COL10A1: variants seen among roughly 807,000 people sequenced by gnomAD.
COL10A1 encodes the protein collagen type X alpha 1 chain, also known as collagen alpha-1(X) chain.
In COL10A1, 10 loss-of-function variants were observed where a neutral mutation model predicts 18.2. The observed-to-expected ratio is 0.55, with a 90% CI of 0.34 to 0.93. COL10A1 has a LOEUF of 0.93. Among genes scored for constraint, COL10A1 ranks in the 40% least tolerant of loss-of-function variants. COL10A1 has a pLI of 0.02. For missense variants in COL10A1, 897 were observed against 853.5 expected, an observed-to-expected ratio of 1.05 and a Z score of -0.64; for synonymous variants, 330 against 316.6, an observed-to-expected ratio of 1.04 and a Z score of -0.45.
chr6:116,129,922 A>G (rs894028870), upstream of COL10A1, among the ~76,000 whole-genome samples: 1 of 152,278 alleles, frequency 6.6e-6, no homozygotes, highest in Admixed American at 6.5e-5. Context: ...ACACACATTC[A>G]CTCACACACA....
In COL10A1 at chr6:116,125,502, T is replaced by C. The variant is rs773337533; in HGVS notation, c.-10A>G. On this transcript the variant is annotated 5_prime_UTR_variant, in exon 2 of 3. Coordinates refer to ENST00000651968, the MANE Select transcript of COL10A1 (RefSeq NM_000493.4). ...GTATTTGTGGCAGCATATTCTCAGA[T>C]GGATTCTGAAAAACAGAAAAGAATA... 17 of 1,613,296 alleles carry C rather than the reference T, an allele frequency of 1.1e-5. No homozygotes were observed. Among genetic ancestry groups the C allele is most frequent in the Non-Finnish European group, 1.4e-5 (17 of 1,179,480 alleles).
the COL10A1 span, among the ~76,000 whole-genome samples, chr6:116,203,573 A>G: frequency 6.6e-6 from 1 of 151,810 alleles, no homozygotes; most frequent in South Asian, 2.1e-4. Flanking sequence ...TTGCTGTACA[A>G]TATGCCATTA....
the COL10A1 span, among the ~76,000 whole-genome samples, chr6:116,187,597 G>A: frequency 5.9e-5 from 9 of 152,198 alleles, no homozygotes; most frequent in East Asian, 1.7e-3. Context: ...GACAGAACAG[G>A]TACAGCAGAG....
At chr6:116,190,153 C>T in the COL10A1 span, among the ~76,000 whole-genome samples, 1 of 151,910 alleles carries the variant, frequency 6.6e-6, no homozygotes, top group Non-Finnish European at 1.5e-5. Flanking sequence ...ATACCTGTTA[C>T]ATAGTGGCTG....
chr6:116,184,287 T>C, the COL10A1 span, among the ~76,000 whole-genome samples: 1 of 152,100 alleles, frequency 6.6e-6, no homozygotes, highest in East Asian at 1.9e-4. Context: ...TGACATGCTG[T>C]TGGATTCAGT....
intron 1 of COL10A1, among the ~76,000 whole-genome samples, chr6:116,151,660 A>G (rs182037365): frequency 1.3e-5 from 2 of 152,320 alleles, no homozygotes; most frequent in South Asian, 2.1e-4. Context: ...GGTTACATTT[A>G]TAGATAATAT....
chr6:116,154,029 C>CTTT (rs34356532), intron 1 of COL10A1, among the ~76,000 whole-genome samples: 2 of 122,340 alleles, frequency 1.6e-5, no homozygotes, highest in African/African-American at 3.1e-5. Context: ...GGGAAGATTT[C>CTTT]TTTTTTTTTT....
the COL10A1 span, among the ~76,000 whole-genome samples, chr6:116,167,490 G>A: frequency 1.3e-5 from 2 of 152,106 alleles, no homozygotes; most frequent in African/African-American, 2.4e-5. Context: ...AGGATTACAG[G>A]TGTGAGCCAC....
At chr6:116,208,040 T>C in the COL10A1 span, among the ~76,000 whole-genome samples, 4 of 152,138 alleles carry the variant, frequency 2.6e-5, no homozygotes, top group African/African-American at 9.6e-5. Flanking sequence ...GTCTTTCGTT[T>C]GTTAAATAAT....
At position 116,121,050 on chromosome 6, in the gene COL10A1, C is replaced by T. The variant is rs1453913465; in HGVS notation, c.1066G>A (p.Gly356Ser). The change falls in exon 3 of 3, where the codon GGT becomes AGT. Residue 356 changes from glycine to serine, a missense_variant. By Grantham distance (56) the Gly-to-Ser change is moderately conservative. Coordinates refer to ENST00000651968, the MANE Select transcript of COL10A1 (RefSeq NM_000493.4). ...GTCTCACCTTTAGGGCCTGGGAGAC[C>T]ATGGCTACCCGGGATGCCTTTTGGT... ...QGPKGIPGSH[G>S]LPGPKGETGP... The T allele has an allele frequency of 1.9e-6, 3 of 1,614,094 alleles. No homozygotes were observed. Among genetic ancestry groups the T allele is most frequent in the Admixed American group, 1.7e-5 (1 of 60,028 alleles).
At chr6:116,216,013 T>A in the COL10A1 span, among the ~76,000 whole-genome samples, 2 of 152,266 alleles carry the variant, frequency 1.3e-5, no homozygotes, top group East Asian at 3.9e-4. Context: ...TATACACTTT[T>A]TCCAGGAATC....
At chr6:116,215,916 T>C in the COL10A1 span, among the ~76,000 whole-genome samples, 1 of 152,174 alleles carries the variant, frequency 6.6e-6, no homozygotes, top group African/African-American at 2.4e-5. Context: ...GGCAGTTTGA[T>C]GGCTTTGGAG....
chr6:116,178,088 T>TGA, the COL10A1 span, among the ~76,000 whole-genome samples: 1 of 99,624 alleles, frequency 1.0e-5, no homozygotes, highest in Non-Finnish European at 2.1e-5. Context: ...TGTGTGTGTG[T>TGA]GCGCGCGCGC....
At chr6:116,211,869 G>A in the COL10A1 span, among the ~76,000 whole-genome samples, 1 of 151,992 alleles carries the variant, frequency 6.6e-6, no homozygotes, top group African/African-American at 2.4e-5. Flanking sequence ...AAGCTAGAGA[G>A]CCTACACCTG....
At chr6:116,142,232 T>A (rs1779785360) in intron 1 of COL10A1, among the ~76,000 whole-genome samples, 1 of 152,084 alleles carries the variant, frequency 6.6e-6, no homozygotes, top group Non-Finnish European at 1.5e-5. Context: ...ATTTAGTAAT[T>A]TAATTGTAAA....
Position 116,121,247 on chromosome 6 carries a change from G to A in COL10A1, c.869C>T (p.Ala290Val). Residue 290 changes from alanine (A) to valine (V), a missense_variant, in exon 3 of 3, where the codon GCT (alanine) becomes GTT (valine). By Grantham distance (64) the Ala-to-Val change is moderately conservative. Coordinates refer to ENST00000651968, the MANE Select transcript of COL10A1 (RefSeq NM_000493.4). ...AAAGCCAGGAGGCCCTGGGGGCCCAGCTATTCCTGGAGCCCCAGGGAGACC... is the reference window on the plus strand; with the variant it reads ...AAAGCCAGGAGGCCCTGGGGGCCCAACTATTCCTGGAGCCCCAGGGAGACC... Reference protein sequence around the residue: ...TKGLPGAPGIAGPPGPPGFGK... With the variant: ...TKGLPGAPGIVGPPGPPGFGK... The A allele has an allele frequency of 6.2e-7, 1 of 1,613,906 alleles. No homozygotes were observed. The highest frequency in any genetic ancestry group is 8.5e-7 in the Non-Finnish European group (1 of 1,179,946).
At chr6:116,190,797 G>GAC in the COL10A1 span, among the ~76,000 whole-genome samples, 4 of 152,166 alleles carry the variant, frequency 2.6e-5, no homozygotes, top group South Asian at 8.3e-4. Context: ...GGGGGCAAGT[G>GAC]ACAGGTCTGC....
chr6:116,126,381 TA>T (rs1185446921), upstream of COL10A1, among the ~76,000 whole-genome samples: 3 of 152,338 alleles, frequency 2.0e-5, no homozygotes, highest in Admixed American at 2.0e-4. Flanking sequence ...TCTATTTTAT[TA>T]ATTAATACTC....
At chr6:116,202,780 T>G in the COL10A1 span, among the ~76,000 whole-genome samples, 1 of 152,006 alleles carries the variant, frequency 6.6e-6, no homozygotes, top group East Asian at 1.9e-4. Flanking sequence ...CTATTTTTAT[T>G]ATTGTTAACT....
Sources: allele counts gnomAD v4.1 joint callset (sites outside exome capture counted in the v4.1 genomes callset), GRCh38; gene constraint gnomAD v4.1.1; transcripts MANE v1.5; gene names NCBI Gene and HGNC (gene_info 2026-07-23, HGNC 2026-07-21).